Variants in ZNF117 observed in about 807,000 individuals in gnomAD.
The protein encoded by ZNF117 is zinc finger protein 117.
In ZNF117, 37 loss-of-function variants were observed where a neutral mutation model predicts 41.2. The ratio of observed to expected loss-of-function variants is 0.90; its 90% CI spans 0.69 to 1.18. ZNF117 has a LOEUF of 1.18. ZNF117 is among the 50% of genes most tolerant of loss of function. The pLI, the probability that ZNF117 is intolerant of heterozygous loss-of-function variation, is 0.00. For synonymous variants in ZNF117, 186 were observed against 186.6 expected (o/e 1.00, Z 0.02); for missense variants, 546 against 557.5 (o/e 0.98, Z 0.21).
chr7:64,977,848 G>A, exon 3 of ZNF117: 1 of 1,113,248 alleles, frequency 9.0e-7, no homozygotes, highest in Non-Finnish European at 1.3e-6. Context: ...ATTTTCTTAT[G>A]TTTAATAAGG....
At chr7:64,979,095 T>G (rs1785966215) in exon 3 of ZNF117, 2 of 1,613,010 alleles carry the variant, frequency 1.2e-6, no homozygotes, top group Non-Finnish European at 8.5e-7. Flanking sequence ...TTCTCCAGTA[T>G]GAATTCTCTT....
chr7:64,988,654 C>T lies in ZNF117; in HGVS notation c.-196+1293G>A, dbSNP rs571513862. 2.0e-5 allele frequency among the ~76,000 whole-genome samples: 3 copies of T among 152,152 alleles called. No individual in the cohort carries two copies. In the South Asian group the frequency reaches 6.2e-4, roughly 32 times the overall value. ...GCATCCAAATAGGAAGAAAGGAAGTCAAACTTCCCATTTTTTGCAGATGTA... is the reference window on the plus strand; with the variant it reads ...GCATCCAAATAGGAAGAAAGGAAGTTAAACTTCCCATTTTTTGCAGATGTA... On this transcript the variant is annotated intron_variant, in intron 1 of 3. Transcript: ENST00000282869.
intron 1 of ZNF117, among the ~76,000 whole-genome samples, chr7:64,989,262 C>T (rs1249039150): frequency 1.3e-5 from 2 of 150,726 alleles, no homozygotes; most frequent in African/African-American, 4.9e-5. Context: ...TGCCACACAC[C>T]TGCAACCATC....
chr7:64,987,778 G>A (rs1275289308), intron 1 of ZNF117, among the ~76,000 whole-genome samples: 2 of 149,474 alleles, frequency 1.3e-5, no homozygotes, highest in Admixed American at 6.7e-5. Flanking sequence ...GAGCCCAGGA[G>A]TTTGAGACCT....
At chr7:64,979,661 C>A (rs948284232) in intron 2 of ZNF117, 125 bp from the exon 4 acceptor site, 5 of 676,914 alleles carry the variant, frequency 7.4e-6, no homozygotes, top group East Asian at 3.1e-5. Flanking sequence ...ACCACAGGTT[C>A]TAATTCCTTC....
At chr7:64,983,192 G>C (rs977441125), upstream of ZNF117, among the ~76,000 whole-genome samples, 4 of 152,128 alleles carry the variant, frequency 2.6e-5, no homozygotes, top group African/African-American at 9.7e-5. Flanking sequence ...AGAGCTAATG[G>C]AGAACAGAGA....
intron 2 of ZNF117, among the ~76,000 whole-genome samples, 199 bp from the exon 4 acceptor site, chr7:64,979,735 A>T (rs1785984509): frequency 6.6e-6 from 1 of 152,000 alleles, no homozygotes; most frequent in African/African-American, 2.4e-5. Context: ...TTTATAAATG[A>T]GTTACGTGTG....
exon 3 of ZNF117, chr7:64,979,307 T>C: frequency 6.3e-7 from 1 of 1,591,214 alleles, no homozygotes; most frequent in Non-Finnish European, 8.5e-7. Flanking sequence ...TATGGAAAAC[T>C]TCTACATATT....
At chr7:64,972,696 A>G (rs1785801687), downstream of ZNF117, 1 of 152,042 alleles carries the variant, frequency 6.6e-6, no homozygotes, top group Non-Finnish European at 1.5e-5. Flanking sequence ...TTATAGTTTA[A>G]TAGGAGGAAT....
chr7:64,976,192 A>T (rs1785882627), exon 3 of ZNF117: 1 of 152,328 alleles, frequency 6.6e-6, no homozygotes. Context: ...CTATAATCCC[A>T]GCACTTTGGG....
At position 64,989,775 on chromosome 7, in the gene ZNF117, A is replaced by AAAAG. The variant is rs112099260; in HGVS notation, c.-196+171_-196+172insCTTT. On this transcript the variant is annotated intron_variant, in intron 1 of 3. Transcript: ENST00000282869. The stretch of plus-strand genomic sequence containing the variant: ...ACTTAAACAAATTTATTTTAAAAAA[A>AAAAG]AAGAAGAAGAAGAATAAGCCAGGAT... 6.2e-4 allele frequency among the ~76,000 whole-genome samples: 94 copies of AAAAG among 150,638 alleles called. No individual in the cohort carries two copies. The Middle Eastern group carries it at 0.01, about 17-fold the overall frequency.
upstream of ZNF117, among the ~76,000 whole-genome samples, chr7:64,983,244 C>G (rs979010031): frequency 4.6e-5 from 7 of 152,058 alleles, no homozygotes; most frequent in Non-Finnish European, 8.8e-5. Context: ...TACTAAAGAC[C>G]CTAGCTTTTC....
rs369492788 is a variant in ZNF117, at chr7:64,979,260, G to A, written c.311C>T (p.Thr104Ile). 2.4e-5 allele frequency: 39 copies of A among 1,606,568 alleles called. No individual in the cohort carries two copies. Among genetic ancestry groups the A allele is most frequent in the Non-Finnish European group, 2.8e-5 (33 of 1,176,972 alleles). Residue 104 changes from threonine to isoleucine, a missense_variant, in exon 3 of 3, where the codon ACT (threonine) becomes ATT (isoleucine). Thr to Ile is a moderately conservative substitution (Grantham distance 89, BLOSUM62 -1). Coordinates refer to ENST00000620222, the Ensembl canonical transcript of ZNF117. ...TTTACATTTAAAATGTTTATTTTCA[G>A]TATGTCTCATCTTGTGTCTATTTGA... is the stretch of plus-strand genomic sequence containing the variant.
upstream of ZNF117, among the ~76,000 whole-genome samples, chr7:64,986,134 A>G (rs1786129925): frequency 9.3e-6 from 1 of 107,484 alleles, no homozygotes. Flanking sequence ...ATGGGAAAAA[A>G]GCAGAAGAAA....
At chr7:64,983,181 T>C (rs1786066600), upstream of ZNF117, among the ~76,000 whole-genome samples, 3 of 152,196 alleles carry the variant, frequency 2.0e-5, no homozygotes, top group African/African-American at 4.8e-5. Flanking sequence ...GTGTTCTGCA[T>C]AGAGCTAATG....
At chr7:64,987,832 A>C (rs199838694) in intron 1 of ZNF117, among the ~76,000 whole-genome samples, 59,366 of 141,670 alleles carry the variant, frequency 0.42, 12,659 homozygotes, top group Admixed American at 0.52. Flanking sequence ...AAAAAGGAAA[A>C]AAAAAAAAAA....
upstream of ZNF117, among the ~76,000 whole-genome samples, chr7:64,986,144 A>G (rs1363249386): frequency 2.2e-5 from 1 of 44,782 alleles, no homozygotes; most frequent in African/African-American, 8.2e-5. Context: ...AGCAGAAGAA[A>G]GAAAGGTGTT....
upstream of ZNF117, chr7:64,982,170 G>A (rs191495530): frequency 1.4e-3 from 847 of 605,000 alleles, 4 homozygotes; most frequent in African/African-American, 0.013. Context: ...TTACCAAGTG[G>A]CCATGGGCAT....
upstream of ZNF117, among the ~76,000 whole-genome samples, chr7:64,984,209 G>A (rs1412892221): frequency 6.6e-6 from 1 of 152,016 alleles, no homozygotes; most frequent in African/African-American, 2.4e-5. Context: ...TCAGCTCACT[G>A]CAGCCTCCAC....
Sources: gnomAD v4.1 joint callset for allele counts (sites outside exome capture counted in the v4.1 genomes callset) on GRCh38, gnomAD v4.1.1 for gene constraint, MANE v1.5 for transcripts, NCBI Gene and HGNC (gene_info 2026-07-23, HGNC 2026-07-21) for gene names.